Variants in VPS41 observed in about 807,000 individuals in gnomAD.
VPS41 encodes the protein vacuolar protein sorting-associated protein 41 homolog.
A neutral mutation model predicts 130.9 loss-of-function variants in VPS41; 85 were observed. The observed-to-expected ratio is 0.65, with a 90% confidence interval of 0.55 to 0.78. VPS41 has a LOEUF of 0.78. Among genes scored for constraint, VPS41 ranks in the 30% least tolerant of loss-of-function variants. VPS41 has a pLI of 0.00. For missense variants in VPS41, 874 were observed against 1,018.7 expected, an observed-to-expected ratio of 0.86 and a Z score of 1.93; for synonymous variants, 335 against 332.9, an observed-to-expected ratio of 1.01 and a Z score of -0.07.
At chr7:38,742,508 T>C (rs1286028265) in intron 24 of VPS41, among the ~76,000 whole-genome samples, 1 of 152,132 alleles carries the variant, frequency 6.6e-6, no homozygotes, top group Non-Finnish European at 1.5e-5. Context: ...TGTGTCCCCA[T>C]TTTACAGACA....
chr7:38,743,350 G>C, intron 24 of VPS41, 52 bp downstream of exon 24: 12 of 1,605,296 alleles, frequency 7.5e-6, no homozygotes, highest in Non-Finnish European at 9.4e-6. Context: ...AGACATAACT[G>C]GTTACACTGA....
At chr7:38,746,864 T>C (rs192398615) in intron 22 of VPS41, among the ~76,000 whole-genome samples, 3 of 152,250 alleles carry the variant, frequency 2.0e-5, no homozygotes, top group South Asian at 2.1e-4. Context: ...CTCTCCACTA[T>C]TGGATGGCAC....
intron 2 of VPS41, among the ~76,000 whole-genome samples, chr7:38,872,091 C>T (rs1258758800): frequency 4.6e-5 from 7 of 152,224 alleles, no homozygotes; most frequent in Admixed American, 4.6e-4. Flanking sequence ...AAGATGTCAG[C>T]TAGGGCTGTA....
At chr7:38,873,146 T>C (rs1786409032) in intron 2 of VPS41, among the ~76,000 whole-genome samples, 1 of 152,200 alleles carries the variant, frequency 6.6e-6, no homozygotes, top group African/African-American at 2.4e-5. Flanking sequence ...CACAGCTCAG[T>C]GAAGCATCCT....
chr7:38,819,252 G>C (rs760527560), intron 6 of VPS41, among the ~76,000 whole-genome samples: 10 of 152,216 alleles, frequency 6.6e-5, no homozygotes, highest in Non-Finnish European at 1.2e-4. Context: ...CTTCATGCCT[G>C]TTTCACAGGC....
intron 7 of VPS41, among the ~76,000 whole-genome samples, chr7:38,807,493 C>A (rs1447499100): frequency 6.6e-6 from 1 of 152,134 alleles, no homozygotes; most frequent in Non-Finnish European, 1.5e-5. Context: ...TACAAATACA[C>A]TCATTTTCCT....
intron 5 of VPS41, among the ~76,000 whole-genome samples, chr7:38,823,311 C>T (rs7785161): frequency 0.2 from 30,493 of 152,078 alleles, 3,730 homozygotes; most frequent in East Asian, 0.45. Flanking sequence ...GTTACAATAA[C>T]AAGGCGCCAT....
chr7:38,786,236 C>T (rs544220913), intron 10 of VPS41, among the ~76,000 whole-genome samples: 1 of 152,318 alleles, frequency 6.6e-6, no homozygotes, highest in South Asian at 2.1e-4. Flanking sequence ...TAATCTTGAG[C>T]AGGTTACCTA....
chr7:38,872,428 G>A (rs1322986006), intron 2 of VPS41, among the ~76,000 whole-genome samples: 1 of 152,184 alleles, frequency 6.6e-6, no homozygotes, highest in East Asian at 1.9e-4. Flanking sequence ...TGAATAATAG[G>A]AGGTAAGGAT....
intron 4 of VPS41, among the ~76,000 whole-genome samples, chr7:38,844,943 G>A (rs552848915): frequency 7.2e-5 from 11 of 152,288 alleles, no homozygotes; most frequent in South Asian, 2.1e-4. Context: ...CCACCAGGAC[G>A]GTAGAACCTC....
Position 38,869,219 on chromosome 7 carries a change from T to C in VPS41, c.95A>G (p.Tyr32Cys). ...EESEEEPKLK[Y>C]ERLSNGVTEI... The stretch of plus-strand genomic sequence containing the variant: ...AGTTACCCCATTGGAAAGCCTTTCA[T>C]ACTTCAGCTTGGGTTCCTCTTCGCT... The change falls in exon 3 of 29, where the codon TAT becomes TGT. Residue 32 changes from tyrosine (Y) to cysteine (C), a missense_variant. Tyr to Cys is a radical substitution (Grantham distance 194). Coordinates refer to ENST00000310301, the MANE Select transcript of VPS41 (RefSeq NM_014396.4). 1 of 1,612,802 alleles carries C rather than the reference T, an allele frequency of 6.2e-7. No homozygotes were observed.
rs1795497826 is a variant in VPS41, at chr7:38,724,513, T to C, written c.*1733A>G. ...TGACTAACAACAACAAAAAAATCTG[T>C]TGTTTGCTAGAGAATTCTTAACTCT... is the stretch of plus-strand genomic sequence containing the variant. On this transcript the variant is annotated 3_prime_UTR_variant, in exon 29 of 29. Transcript: ENST00000310301. 6.6e-6 allele frequency: 1 copy of C among 152,228 alleles called. No homozygotes were observed. Among genetic ancestry groups the C allele is most frequent in the African/African-American group, 2.4e-5 (1 of 41,456 alleles). The allele number at this position is 152,228 out of a possible 1,614,324, so 9.4% of individuals were successfully genotyped here.
intron 22 of VPS41, among the ~76,000 whole-genome samples, chr7:38,747,594 A>G (rs976983484): frequency 2.0e-5 from 3 of 152,264 alleles, no homozygotes; most frequent in African/African-American, 7.2e-5. Flanking sequence ...AGAATGCTTA[A>G]GAACATGCTA....
Position 38,745,610 on chromosome 7 carries a change from G to C in VPS41, c.1930C>G (p.Leu644Val), listed in dbSNP as rs980064006. 1 of 1,602,044 alleles carries C rather than the reference G, an allele frequency of 6.2e-7. No individual in the cohort carries two copies. Among genetic ancestry groups the C allele is most frequent in the Non-Finnish European group, 8.5e-7 (1 of 1,176,628 alleles). Reference sequence around the variant, plus strand: ...AAGTTTCTCTGTTGACAGATCTCAAGAGCCTTCAATTAAAGCAGGGTAAAA... The same window carrying C: ...AAGTTTCTCTGTTGACAGATCTCAACAGCCTTCAATTAAAGCAGGGTAAAA... ...DSTHCPLEKALEICQQRNFVE... is the reference protein window; with the variant it reads ...DSTHCPLEKAVEICQQRNFVE... The change falls in exon 23 of 29, where the codon CTT becomes GTT. Residue 644 changes from leucine to valine, a missense_variant. Coordinates refer to ENST00000310301, the MANE Select transcript of VPS41 (RefSeq NM_014396.4).
intron 5 of VPS41, among the ~76,000 whole-genome samples, chr7:38,821,754 C>T (rs1055770855): frequency 1.2e-4 from 18 of 151,172 alleles, no homozygotes; most frequent in African/African-American, 4.1e-4. Flanking sequence ...AAAAGAAAAT[C>T]CCATCAGGTT....
At chr7:38,807,154 C>T (rs536662296) in intron 7 of VPS41, among the ~76,000 whole-genome samples, 7 of 152,330 alleles carry the variant, frequency 4.6e-5, no homozygotes, top group African/African-American at 1.7e-4. Flanking sequence ...TGCTTCATGA[C>T]AGCATCCAAT....
chr7:38,868,450 G>C (rs1786273704), intron 3 of VPS41, among the ~76,000 whole-genome samples: 1 of 152,190 alleles, frequency 6.6e-6, no homozygotes, highest in Non-Finnish European at 1.5e-5. Flanking sequence ...CCAGGAGATG[G>C]ATCAGACAAG....
At chr7:38,841,263 G>A (rs1562605973) in intron 4 of VPS41, among the ~76,000 whole-genome samples, 1 of 152,342 alleles carries the variant, frequency 6.6e-6, no homozygotes, top group East Asian at 1.9e-4. Flanking sequence ...GAGTGTGGAT[G>A]TGGAAAATAT....
intron 10 of VPS41, among the ~76,000 whole-genome samples, chr7:38,787,586 C>A (rs915201774): frequency 6.6e-6 from 1 of 152,118 alleles, no homozygotes; most frequent in Non-Finnish European, 1.5e-5. Flanking sequence ...GAATAACTTT[C>A]GTGCTATTTT....
Sources: allele counts gnomAD v4.1 joint callset (sites outside exome capture counted in the v4.1 genomes callset), GRCh38; gene constraint gnomAD v4.1.1; transcripts MANE v1.5; gene names NCBI Gene and HGNC (gene_info 2026-07-23, HGNC 2026-07-21).